The following APCDD1L variants were observed in gnomAD, a reference collection of about 807,000 sequenced individuals.
APCDD1L encodes the protein APC down-regulated 1 like, also known as protein APCDD1-like.
Under a neutral mutation model 24.2 loss-of-function variants are expected in APCDD1L, and 21 were observed. The observed-to-expected ratio is 0.87, with a 90% CI of 0.61 to 1.25. APCDD1L has a LOEUF of 1.25. Ranked by LOEUF, APCDD1L falls within the 50% of genes most tolerant of loss-of-function variation. APCDD1L has a pLI of 0.00. For synonymous variants in APCDD1L, 321 were observed against 323.6 expected (o/e 0.99, Z 0.09); for missense variants, 704 against 711.7 (o/e 0.99, Z 0.12).
Position 58,460,684 on chromosome 20 carries a change from T to A in APCDD1L, c.*106A>T. 1 of 1,352,952 alleles carries A rather than the reference T, an allele frequency of 7.4e-7. No individual in the cohort carries two copies. The highest frequency in any genetic ancestry group is 9.8e-7 in the Non-Finnish European group (1 of 1,016,354). The allele number at this position is 1,352,952 out of a possible 1,614,324, so 83.8% of individuals were successfully genotyped here. A position where few individuals can be genotyped will look rare whatever the true frequency, so the allele number is the denominator to read the frequency against. On this transcript the variant is annotated 3_prime_UTR_variant, in exon 4 of 4. Transcript: ENST00000371149. This position sits in a 1 kb window ranked among gnomAD's most constrained non-coding sequence, Gnocchi z 4.2. Reference sequence around the variant, plus strand: ...TGGAAGCAGTGGGGCTGTGCATCCATCCATGACAGAGCAGAGGAGAATGGT... The same window carrying A: ...TGGAAGCAGTGGGGCTGTGCATCCAACCATGACAGAGCAGAGGAGAATGGT...
rs1432976119 is a variant in APCDD1L, at chr20:58,459,636, T to A, written c.*1154A>T. ...TGAGGCCCTGGGAACATGGGCAGAG[T>A]CCCTGGGGAGGCACAGCCTGTTCCC... On this transcript the variant is annotated 3_prime_UTR_variant, in exon 4 of 4. Transcript: ENST00000371149. The A allele has an allele frequency of 3.3e-5, 5 of 152,466 alleles. No individual in the cohort carries two copies. The highest frequency in any genetic ancestry group is 5.9e-5 in the Non-Finnish European group (4 of 68,114). The allele number at this position is 152,466 out of a possible 1,614,324, so 9.4% of individuals were successfully genotyped here.
intron 1 of APCDD1L, among the ~76,000 whole-genome samples, chr20:58,477,681 C>G (rs746655132): frequency 3.3e-5 from 5 of 152,242 alleles, no homozygotes; most frequent in Non-Finnish European, 7.3e-5. Flanking sequence ...TATACATTCC[C>G]TCACTAATTT....
chr20:58,513,949 C>A, intron 1 of APCDD1L: 1 of 1,298,478 alleles, frequency 7.7e-7, no homozygotes, highest in Middle Eastern at 2.5e-4. Context: ...CACACTTCAA[C>A]TGTGGTTACT....
intron 1 of APCDD1L, among the ~76,000 whole-genome samples, chr20:58,485,860 C>G (rs999151313): frequency 2.0e-5 from 3 of 152,184 alleles, no homozygotes; most frequent in Non-Finnish European, 4.4e-5. Flanking sequence ...TTAAGGGGGG[C>G]CTGCCTGTAG....
intron 1 of APCDD1L, among the ~76,000 whole-genome samples, chr20:58,514,307 G>A (rs760077460): frequency 6.6e-6 from 1 of 152,196 alleles, no homozygotes; most frequent in Non-Finnish European, 1.5e-5. Context: ...CACCATGGGG[G>A]TCTCAGTGGG....
Position 58,497,220 on chromosome 20 carries a change from G to A in APCDD1L, c.49+17439C>T, listed in dbSNP as rs1039692222. ...CCTGGGGGTGAGGGGGCATGCAGCG[G>A]GTGGAGGCTGAGGGGCAGATGCGGG... On this transcript the variant is annotated intron_variant, in intron 1 of 3. Coordinates refer to ENST00000371149, the MANE Select transcript of APCDD1L (RefSeq NM_153360.3). The surrounding 1 kb of genome is among the most constrained non-coding windows in gnomAD (Gnocchi z 4.3). Among the ~76,000 whole-genome samples, 12 of 152,030 alleles carry A rather than the reference G, an allele frequency of 7.9e-5. No individual in the cohort carries two copies. The highest frequency in any genetic ancestry group is 1.3e-4 in the Non-Finnish European group (9 of 67,990).
At chr20:58,504,416 G>C (rs1267490255) in intron 1 of APCDD1L, among the ~76,000 whole-genome samples, 5 of 152,158 alleles carry the variant, frequency 3.3e-5, no homozygotes, top group Admixed American at 3.3e-4. Context: ...CAGCCATGAG[G>C]CCATCAGGTG....
intron 1 of APCDD1L, among the ~76,000 whole-genome samples, chr20:58,495,012 GC>G (rs1277581775): frequency 1.3e-5 from 2 of 152,136 alleles, no homozygotes; most frequent in Non-Finnish European, 2.9e-5. Context: ...GGAGCCTGCT[GC>G]CCCCTGCACT....
chr20:58,467,424 G>A lies in APCDD1L; in HGVS notation c.423C>T (p.Ala141=). The change falls in exon 3 of 4, where the codon GCC becomes GCT. Residue 141 remains alanine, a synonymous_variant. Coordinates refer to ENST00000371149, the MANE Select transcript of APCDD1L (RefSeq NM_153360.3). The surrounding 1 kb of genome is among the most constrained non-coding windows in gnomAD (Gnocchi z 5.9). ...TGAGGCGCCCGGTGACGTCGACCAG[G>A]GCCCGGCGGCTGTGGAAGACGATGC... ...KVGIVFHSRR[A]LVDVTGRLNQ... is the part of the protein sequence containing the mutation. 6.4e-7 allele frequency: 1 copy of A among 1,563,278 alleles called. No individual in the cohort carries two copies. The highest frequency in any genetic ancestry group is 8.6e-7 in the Non-Finnish European group (1 of 1,157,046).
At chr20:58,473,834 G>C (rs1347684212) in intron 1 of APCDD1L, among the ~76,000 whole-genome samples, 1 of 152,178 alleles carries the variant, frequency 6.6e-6, no homozygotes, top group African/African-American at 2.4e-5. Context: ...TGCTGTTTTT[G>C]CATTCATAAG....
chr20:58,471,367 C>T (rs1195901006), intron 1 of APCDD1L, among the ~76,000 whole-genome samples: 7 of 152,206 alleles, frequency 4.6e-5, no homozygotes, highest in Middle Eastern at 3.2e-3. Flanking sequence ...AGGGAAAGAG[C>T]GCATGGCCGC....
chr20:58,490,581 G>A (rs971075748), intron 1 of APCDD1L, among the ~76,000 whole-genome samples: 24 of 152,268 alleles, frequency 1.6e-4, no homozygotes, highest in Admixed American at 1.5e-3. Context: ...AAGTGCCAGC[G>A]GTCACTTCAA....
chr20:58,509,137 G>C (rs1990580539), intron 1 of APCDD1L, among the ~76,000 whole-genome samples: 1 of 152,138 alleles, frequency 6.6e-6, no homozygotes, highest in Non-Finnish European at 1.5e-5. Flanking sequence ...CAGGCAGAGG[G>C]AAGAGGGCGT....
intron 1 of APCDD1L, among the ~76,000 whole-genome samples, chr20:58,509,477 C>A (rs1173274311): frequency 1.3e-5 from 2 of 152,168 alleles, no homozygotes; most frequent in Non-Finnish European, 2.9e-5. Context: ...TCAGTTTCTT[C>A]ATCTGTCAAA....
rs1435845731 is a variant in APCDD1L at position 58,497,327 on chromosome 20, G to C, written c.49+17332C>G. On this transcript the variant is annotated intron_variant, in intron 1 of 3. Transcript: ENST00000371149. This position sits in a 1 kb window ranked among gnomAD's most constrained non-coding sequence, Gnocchi z 4.3. ...TGGAAAGTGGGTTCTCCCTGGGGGA[G>C]TCTCCCTGCCATGGGGAGAGGGCCC... Among the ~76,000 whole-genome samples, 1 of 152,060 alleles carries C rather than the reference G, an allele frequency of 6.6e-6. No homozygotes were observed.
In APCDD1L at chr20:58,514,821, G is replaced by A; in HGVS notation, c.-114C>T. ...GCCGGCGGCCAGGCTGGAGTCCTGC[G>A]AAGAAGTTGCGAGGGTCCTGCGCCC... On this transcript the variant is annotated 5_prime_UTR_variant, in exon 1 of 4. Transcript: ENST00000371149. The A allele has an allele frequency of 2.4e-6, 2 of 840,572 alleles. No individual in the cohort carries two copies. The highest frequency in any genetic ancestry group is 6.1e-5 in the South Asian group (1 of 16,378). 52.1% of individuals were successfully genotyped at this position (840,572 alleles called of 1,614,324 possible).
At chr20:58,486,218 G>T (rs1208483933) in intron 1 of APCDD1L, among the ~76,000 whole-genome samples, 2 of 152,006 alleles carry the variant, frequency 1.3e-5, no homozygotes, top group Non-Finnish European at 2.9e-5. Flanking sequence ...AGTAAAACAT[G>T]GAATTTAAAA....
intron 3 of APCDD1L, among the ~76,000 whole-genome samples, chr20:58,465,338 G>A (rs1270694080): frequency 1.3e-5 from 2 of 152,132 alleles, no homozygotes; most frequent in Non-Finnish European, 2.9e-5. Context: ...GGAGGAGGGG[G>A]TGGGGGAAGG....
chr20:58,475,699 G>C (rs1989895319), intron 1 of APCDD1L, among the ~76,000 whole-genome samples: 1 of 152,088 alleles, frequency 6.6e-6, no homozygotes, highest in African/African-American at 2.4e-5. Flanking sequence ...CACACGCTGA[G>C]TGGCTGAAGC....
Sources: allele counts gnomAD v4.1 joint callset (sites outside exome capture counted in the v4.1 genomes callset), GRCh38; gene constraint gnomAD v4.1.1; non-coding constraint Gnocchi (gnomAD v3.1); transcripts MANE v1.5; gene names NCBI Gene and HGNC (gene_info 2026-07-23, HGNC 2026-07-21).